The following MAP2K4 variants were observed in gnomAD, a reference collection of about 807,000 sequenced individuals.
The protein encoded by MAP2K4 is mitogen-activated protein kinase kinase 4.
MAP2K4 carries 4 observed loss-of-function variants against 48.5 expected under a neutral mutation model. The observed-to-expected ratio is 0.08, with a 90% CI of 0.04 to 0.19. The LOEUF (loss-of-function observed/expected upper bound fraction) is 0.19. Among genes scored for constraint, MAP2K4 ranks in the 10% least tolerant of loss-of-function variants. The probability of loss-of-function intolerance (pLI) is 1.00; values close to 1 mark genes in which losing one functional copy is unlikely to be tolerated. For synonymous variants in MAP2K4, 166 were observed against 173.1 expected, an observed-to-expected ratio of 0.96 and a Z score of 0.32; for missense variants, 258 against 493.3, an observed-to-expected ratio of 0.52 and a Z score of 4.52.
At chr17:12,075,641 A>G (rs539375129) in intron 2 of MAP2K4, among the ~76,000 whole-genome samples, 4 of 152,266 alleles carry the variant, frequency 2.6e-5, no homozygotes, top group East Asian at 3.9e-4. Context: ...AGAATGTTCA[A>G]CTCTAGCAGT....
intron 1 of MAP2K4, among the ~76,000 whole-genome samples, chr17:12,040,615 G>A (rs1969747330): frequency 6.6e-6 from 1 of 152,126 alleles, no homozygotes; most frequent in South Asian, 2.1e-4. Flanking sequence ...CCACATCAGA[G>A]CCCAGCTTTT....
At chr17:12,070,465 C>G (rs1970766579) in intron 2 of MAP2K4, among the ~76,000 whole-genome samples, 1 of 152,050 alleles carries the variant, frequency 6.6e-6, no homozygotes, top group South Asian at 2.1e-4. Context: ...AAGAAAAATT[C>G]TGAAATGTAT....
At chr17:12,077,447 C>G (rs900461504) in intron 2 of MAP2K4, among the ~76,000 whole-genome samples, 5 of 152,134 alleles carry the variant, frequency 3.3e-5, no homozygotes, top group Admixed American at 3.3e-4. Flanking sequence ...TGGCTTAAAC[C>G]AGATAGTTTA....
intron 2 of MAP2K4, among the ~76,000 whole-genome samples, chr17:12,076,006 C>T (rs1363508778): frequency 2.0e-5 from 3 of 151,902 alleles, no homozygotes; most frequent in Non-Finnish European, 4.4e-5. Context: ...ATTTTAGATT[C>T]GGTGTCTGGT....
rs1413774405 is a variant in MAP2K4 at position 12,141,395 on chromosome 17, T to C, written c.*135T>C. 1 of 692,406 alleles carries C rather than the reference T, an allele frequency of 1.4e-6. No homozygotes were observed. Among genetic ancestry groups the C allele is most frequent in the Non-Finnish European group, 2.6e-6 (1 of 384,536 alleles). 42.9% of individuals were successfully genotyped at this position (692,406 alleles called of 1,614,324 possible). A position where few individuals can be genotyped will look rare whatever the true frequency, so the allele number is the denominator to read the frequency against. ...ATAAGATTGGTGTTCGTTTCCATCA[T>C]GTCTGTATACTCCTGTCACCTAGAA... On this transcript the variant is annotated 3_prime_UTR_variant, in exon 11 of 11. Transcript: ENST00000353533.
chr17:12,058,799 A>C (rs1970363833), intron 2 of MAP2K4, among the ~76,000 whole-genome samples: 1 of 152,208 alleles, frequency 6.6e-6, no homozygotes, highest in African/African-American at 2.4e-5. Flanking sequence ...TAGTAGAATA[A>C]ATCTTTAATA....
chr17:12,128,044 T>G (rs1363134891), intron 8 of MAP2K4, among the ~76,000 whole-genome samples: 1 of 152,192 alleles, frequency 6.6e-6, no homozygotes, highest in African/African-American at 2.4e-5. Context: ...CAGATTTAAA[T>G]ATGTTTCTTG....
intron 7 of MAP2K4, chr17:12,124,234 C>T (rs1972779979): frequency 6.6e-6 from 1 of 152,218 alleles, no homozygotes; most frequent in Non-Finnish European, 1.5e-5. Flanking sequence ...ACAGCAGTTA[C>T]TCTCAGACTT....
chr17:12,024,653 T>C (rs1042838753), intron 1 of MAP2K4, among the ~76,000 whole-genome samples: 1 of 152,240 alleles, frequency 6.6e-6, no homozygotes, highest in African/African-American at 2.4e-5. Flanking sequence ...AATTAACTAC[T>C]CTGAGAAATG....
chr17:12,102,685 A>G (rs1056037470), intron 4 of MAP2K4, among the ~76,000 whole-genome samples: 2 of 152,130 alleles, frequency 1.3e-5, no homozygotes, highest in Admixed American at 6.5e-5. Context: ...TTTTGACTGA[A>G]TATCCAGCTT....
At chr17:12,088,911 C>CTTTT (rs5819350) in intron 3 of MAP2K4, among the ~76,000 whole-genome samples, 2 of 128,224 alleles carry the variant, frequency 1.6e-5, no homozygotes, top group African/African-American at 2.8e-5. Flanking sequence ...AATACAGATT[C>CTTTT]TTTTTTTTTT....
intron 9 of MAP2K4, among the ~76,000 whole-genome samples, chr17:12,133,348 C>T (rs1023244304): frequency 1.3e-5 from 2 of 152,174 alleles, no homozygotes; most frequent in Non-Finnish European, 2.9e-5. Context: ...TCCCAGAGTG[C>T]TGGGATTACA....
At position 12,030,081 on chromosome 17, in the gene MAP2K4, C is replaced by G. The variant is rs374009068; in HGVS notation, c.115+9080C>G. Among the ~76,000 whole-genome samples the G allele has an allele frequency of 1.3e-4, 20 of 152,238 alleles. No individual in the cohort carries two copies. In the South Asian group the frequency reaches 2.5e-3, roughly 19 times the overall value. ...CTTGTGCAAGACTGTTGCTTGTCCC[C>G]TTTGCCCATCCTTACCCTTTGAGTA... On this transcript the variant is annotated intron_variant, in intron 1 of 10. Transcript: ENST00000353533.
At chr17:12,064,878 A>T (rs1448396329) in intron 2 of MAP2K4, among the ~76,000 whole-genome samples, 1 of 152,246 alleles carries the variant, frequency 6.6e-6, no homozygotes, top group Non-Finnish European at 1.5e-5. Context: ...CTCTTCCTCA[A>T]TAAAGTGGAG....
intron 1 of MAP2K4, among the ~76,000 whole-genome samples, chr17:12,047,358 A>G (rs1023488684): frequency 6.6e-6 from 1 of 152,226 alleles, no homozygotes; most frequent in Non-Finnish European, 1.5e-5. Flanking sequence ...TCTGTTATGC[A>G]TAGTAATGCC....
chr17:12,027,937 C>T (rs907233917), intron 1 of MAP2K4, among the ~76,000 whole-genome samples: 3 of 152,140 alleles, frequency 2.0e-5, no homozygotes, highest in African/African-American at 7.2e-5. Context: ...GTGCCATAAT[C>T]GTTGCTCCCA....
chr17:12,088,515 T>TACA (rs1384079219), intron 3 of MAP2K4, among the ~76,000 whole-genome samples: 5 of 114,164 alleles, frequency 4.4e-5, no homozygotes, highest in Non-Finnish European at 9.3e-5. Flanking sequence ...ATCTATAATA[T>TACA]GTATGTAATA....
chr17:12,089,283 G>A (rs2151556102), intron 3 of MAP2K4, among the ~76,000 whole-genome samples: 1 of 152,262 alleles, frequency 6.6e-6, no homozygotes, highest in East Asian at 1.9e-4. Context: ...CCCCTGCACT[G>A]AAGTATGGGT....
chr17:12,120,453 C>T (rs1006211975), intron 7 of MAP2K4, among the ~76,000 whole-genome samples: 27 of 151,826 alleles, frequency 1.8e-4, no homozygotes, highest in Admixed American at 1.6e-3. Context: ...GAGCAAGATT[C>T]TGTCTCAAAA....
Sources: gnomAD v4.1 joint callset for allele counts (sites outside exome capture counted in the v4.1 genomes callset) on GRCh38, gnomAD v4.1.1 for gene constraint, MANE v1.5 for transcripts, NCBI Gene and HGNC (gene_info 2026-07-23, HGNC 2026-07-21) for gene names.